HS3ST5: variants seen among roughly 807,000 people sequenced by gnomAD.
The protein encoded by HS3ST5 is heparan sulfate glucosamine 3-O-sulfotransferase 5.
HS3ST5 carries 10 observed loss-of-function variants against 25.4 expected under a neutral mutation model. That is an observed-to-expected ratio of 0.39 (90% confidence interval 0.24 to 0.67). The LOEUF (loss-of-function observed/expected upper bound fraction) is 0.67. HS3ST5 is among the 30% of genes least tolerant of loss of function. HS3ST5 has a pLI of 0.44. For synonymous variants in HS3ST5, 170 were observed against 162.4 expected, an observed-to-expected ratio of 1.05 and a Z score of -0.36; for missense variants, 324 against 420.7, an observed-to-expected ratio of 0.77 and a Z score of 2.01.
At chr6:114,322,457 A>G (rs1776006619) in intron 1 of HS3ST5, among the ~76,000 whole-genome samples, 1 of 152,152 alleles carries the variant, frequency 6.6e-6, no homozygotes, top group Non-Finnish European at 1.5e-5. Context: ...CACATAACAT[A>G]TTAAAAAAAA....
intron 2 of HS3ST5, among the ~76,000 whole-genome samples, chr6:114,206,216 T>C (rs139698655): frequency 2.0e-5 from 3 of 152,302 alleles, no homozygotes; most frequent in African/African-American, 7.2e-5. Flanking sequence ...ATTGTTATGG[T>C]ATTGCAGTGA....
chr6:114,275,330 C>T (rs1267322947), intron 1 of HS3ST5, among the ~76,000 whole-genome samples: 2 of 151,990 alleles, frequency 1.3e-5, no homozygotes, highest in East Asian at 3.9e-4. Context: ...CAACTAAATA[C>T]CAGTAGTAGC....
intron 3 of HS3ST5, among the ~76,000 whole-genome samples, chr6:114,152,337 C>T (rs1778494994): frequency 1.3e-5 from 2 of 152,252 alleles, no homozygotes; most frequent in South Asian, 4.1e-4. Context: ...TTCTTTGTTT[C>T]AGTGTACACA....
chr6:114,331,057 A>G (rs975490173), intron 1 of HS3ST5, among the ~76,000 whole-genome samples: 7 of 152,242 alleles, frequency 4.6e-5, no homozygotes, highest in African/African-American at 1.7e-4. Context: ...TCAGCTTTCC[A>G]ACATTTCAAT....
At chr6:114,341,212 G>GGGGA (rs1562281377) in intron 1 of HS3ST5, among the ~76,000 whole-genome samples, 2 of 83,008 alleles carry the variant, frequency 2.4e-5, no homozygotes, top group Non-Finnish European at 2.3e-5. Flanking sequence ...GAGGGAATAG[G>GGGGA]GAGAGAGGGG....
intron 1 of HS3ST5, among the ~76,000 whole-genome samples, chr6:114,313,992 G>C (rs814167): frequency 0.99 from 150,154 of 152,328 alleles, 74,015 homozygotes; most frequent in Middle Eastern, 1. Context: ...GTTGTGCAAT[G>C]TCAGCTCACT....
intron 3 of HS3ST5, among the ~76,000 whole-genome samples, chr6:114,102,497 G>T (rs1363259755): frequency 1.3e-5 from 2 of 152,132 alleles, no homozygotes; most frequent in Non-Finnish European, 2.9e-5. Context: ...TGCCTTAGAT[G>T]CCCAGGGAGA....
Position 114,319,950 on chromosome 6 carries a change from A to C in HS3ST5, c.-339+22245T>G, listed in dbSNP as rs143386878. ...ATCCTTTTTCATAACAATGGACGGC[A>C]CATCAAGTTGTTAGTTTTTCATTTG... On this transcript the variant is annotated intron_variant, in intron 1 of 4. Coordinates refer to ENST00000312719, the MANE Select transcript of HS3ST5 (RefSeq NM_153612.4). 3.3e-4 allele frequency among the ~76,000 whole-genome samples: 50 copies of C among 152,168 alleles called. No individual in the cohort carries two copies. The East Asian group carries it at 8.7e-3, about 26-fold the overall frequency.
At position 114,228,450 on chromosome 6, in the gene HS3ST5, T is replaced by C. The variant is rs1445631480; in HGVS notation, c.-145+135A>G. The C allele has an allele frequency of 3.9e-5, 6 of 152,322 alleles. No homozygotes were observed. In the South Asian group the frequency reaches 1.0e-3, roughly 26 times the overall value. The allele number at this position is 152,322 out of a possible 1,614,324, so 9.4% of individuals were successfully genotyped here. A position where few individuals can be genotyped will look rare whatever the true frequency, so the allele number is the denominator to read the frequency against. ...TTATTTCCCCTTTTTGCTGTGGAAC[T>C]ACACATACATGGATAGTTTTCTTAC... On this transcript the variant is annotated intron_variant, in intron 2 of 4. Transcript: ENST00000312719.
chr6:114,079,679 G>A (rs1774339468), intron 3 of HS3ST5, among the ~76,000 whole-genome samples: 1 of 152,210 alleles, frequency 6.6e-6, no homozygotes, highest in South Asian at 2.1e-4. Context: ...CTAGAATGGT[G>A]AATCTTTTCC....
chr6:114,102,036 C>G (rs1480830221), intron 3 of HS3ST5, among the ~76,000 whole-genome samples: 1 of 152,094 alleles, frequency 6.6e-6, no homozygotes, highest in African/African-American at 2.4e-5. Context: ...ACAAGAGACA[C>G]TGGGGCCTAC....
chr6:114,277,282 T>TAG (rs1773901741), intron 1 of HS3ST5, among the ~76,000 whole-genome samples: 1 of 151,678 alleles, frequency 6.6e-6, no homozygotes, highest in Non-Finnish European at 1.5e-5. Flanking sequence ...TCTTCTGAGT[T>TAG]AGAGTATCAA....
chr6:114,216,236 A>G (rs567750909), intron 2 of HS3ST5, among the ~76,000 whole-genome samples: 1 of 152,304 alleles, frequency 6.6e-6, no homozygotes, highest in Non-Finnish European at 1.5e-5. Flanking sequence ...CACTGGCTAG[A>G]CCCTGGAGTA....
chr6:114,236,413 G>T (rs1771857448), intron 1 of HS3ST5, among the ~76,000 whole-genome samples: 1 of 152,188 alleles, frequency 6.6e-6, no homozygotes, highest in African/African-American at 2.4e-5. Context: ...ATAATTCACA[G>T]AATATCCTCA....
intron 1 of HS3ST5, among the ~76,000 whole-genome samples, chr6:114,250,881 A>C (rs894071124): frequency 1.3e-5 from 2 of 152,224 alleles, no homozygotes; most frequent in Non-Finnish European, 2.9e-5. Flanking sequence ...ATGACTAAAA[A>C]GTTGAGTGTT....
intron 2 of HS3ST5, among the ~76,000 whole-genome samples, chr6:114,182,883 C>A (rs936868331): frequency 6.6e-6 from 1 of 152,114 alleles, no homozygotes; most frequent in African/African-American, 2.4e-5. Flanking sequence ...ACGGATGGCC[C>A]TACTCAGTGT....
chr6:114,163,712 C>G (rs1779080360), intron 3 of HS3ST5, among the ~76,000 whole-genome samples: 1 of 152,168 alleles, frequency 6.6e-6, no homozygotes, highest in African/African-American at 2.4e-5. Context: ...TCTAAGGCAG[C>G]TAACCCAGTA....
chr6:114,324,920 C>T (rs904347149), intron 1 of HS3ST5, among the ~76,000 whole-genome samples: 1 of 152,210 alleles, frequency 6.6e-6, no homozygotes, highest in African/African-American at 2.4e-5. Flanking sequence ...AACTTTAGTC[C>T]TGTGACTGGT....
intron 3 of HS3ST5, among the ~76,000 whole-genome samples, chr6:114,127,406 C>T (rs117941540): frequency 3.6e-3 from 548 of 152,188 alleles, no homozygotes; most frequent in Non-Finnish European, 6.0e-3. Context: ...CATTCCTTGC[C>T]CTTGTCATGG....
Sources: allele counts gnomAD v4.1 joint callset (sites outside exome capture counted in the v4.1 genomes callset), GRCh38; gene constraint gnomAD v4.1.1; transcripts MANE v1.5; gene names NCBI Gene and HGNC (gene_info 2026-07-23, HGNC 2026-07-21).